The following PARD3 variants were observed in gnomAD, a reference collection of about 807,000 sequenced individuals.
The protein encoded by PARD3 is par-3 family cell polarity regulator, also known as partitioning defective 3 homolog.
A neutral mutation model predicts 155.4 loss-of-function variants in PARD3; 75 were observed. The observed-to-expected ratio is 0.48, with a 90% CI of 0.40 to 0.58. The LOEUF is 0.58. PARD3 is among the 20% of genes least tolerant of loss of function. The probability of loss-of-function intolerance (pLI) is 0.00; values close to 1 mark genes in which losing one functional copy is unlikely to be tolerated. For synonymous variants in PARD3, 576 were observed against 610.5 expected (o/e 0.94, Z 0.83); for missense variants, 1,642 against 1,721.7 (o/e 0.95, Z 0.82).
chr10:34,487,009 C>T (rs1487836366), intron 3 of PARD3, among the ~76,000 whole-genome samples: 5 of 152,168 alleles, frequency 3.3e-5, no homozygotes, highest in Middle Eastern at 3.4e-3. Context: ...ACTCATGATA[C>T]CTTTTGTAAA....
intron 22 of PARD3, among the ~76,000 whole-genome samples, chr10:34,238,944 T>G (rs921093981): frequency 1.8e-4 from 28 of 152,172 alleles, no homozygotes; most frequent in Admixed American, 5.2e-4. Context: ...CACTGACATA[T>G]TTTATTTTAA....
At chr10:34,349,806 T>A (rs943458278) in intron 14 of PARD3, among the ~76,000 whole-genome samples, 2 of 152,140 alleles carry the variant, frequency 1.3e-5, no homozygotes, top group South Asian at 2.1e-4. Flanking sequence ...TTGAACTGTA[T>A]AATGCTGCAA....
intron 4 of PARD3, among the ~76,000 whole-genome samples, chr10:34,454,316 A>G (rs571046613): frequency 1.3e-4 from 20 of 152,244 alleles, no homozygotes; most frequent in African/African-American, 4.8e-4. Context: ...ATCCATAAAC[A>G]TCGCAGCATA....
At chr10:34,781,124 C>T (rs573886982) in intron 1 of PARD3, among the ~76,000 whole-genome samples, 39 of 152,352 alleles carry the variant, frequency 2.6e-4, no homozygotes, top group African/African-American at 9.4e-4. Context: ...CCCCTCCCCC[C>T]TCTAGCCTGC....
intron 22 of PARD3, among the ~76,000 whole-genome samples, chr10:34,241,110 T>C (rs1161638045): frequency 6.6e-6 from 1 of 152,106 alleles, no homozygotes; most frequent in Non-Finnish European, 1.5e-5. Flanking sequence ...TATGGATCTA[T>C]GTATAAAAAG....
intron 2 of PARD3, among the ~76,000 whole-genome samples, chr10:34,691,953 C>T (rs10400190): frequency 0.39 from 59,666 of 152,178 alleles, 12,635 homozygotes; most frequent in African/African-American, 0.53. Flanking sequence ...ATTCAAAGGG[C>T]TGGGCATGGT....
At chr10:34,490,390 CAG>C (rs57588434) in intron 3 of PARD3, among the ~76,000 whole-genome samples, 79 of 148,904 alleles carry the variant, frequency 5.3e-4, no homozygotes, top group Admixed American at 9.4e-4. Flanking sequence ...GGGCACATTA[CAG>C]AGAGAGAGAG....
chr10:34,812,716 G>A (rs1844345851), intron 1 of PARD3, among the ~76,000 whole-genome samples: 1 of 152,092 alleles, frequency 6.6e-6, no homozygotes, highest in Non-Finnish European at 1.5e-5. Context: ...TGTACTTAAA[G>A]AGCATGTAAG....
At chr10:34,291,504 C>T (rs183990351) in intron 20 of PARD3, among the ~76,000 whole-genome samples, 12 of 152,268 alleles carry the variant, frequency 7.9e-5, no homozygotes, top group Admixed American at 3.3e-4. Context: ...TTATTATGTG[C>T]TTTTATCTCA....
rs187219135 is a variant in PARD3, at chr10:34,577,368, T to C, written c.223-60209A>G. 3.7e-4 allele frequency among the ~76,000 whole-genome samples: 56 copies of C among 152,262 alleles called. No individual in the cohort carries two copies. In the South Asian group the frequency reaches 5.6e-3, roughly 15 times the overall value. On this transcript the variant is annotated intron_variant, in intron 2 of 24. Transcript: ENST00000374788. ...ATATGTCCATTTATATGCTGTAGAA[T>C]TTGCTTAATCCTCTTAGGAACATTT... is the stretch of plus-strand genomic sequence containing the variant.
chr10:34,398,561 A>G (rs886157259), intron 7 of PARD3, among the ~76,000 whole-genome samples: 5 of 152,244 alleles, frequency 3.3e-5, no homozygotes, highest in African/African-American at 4.8e-5. Flanking sequence ...AAATTAAACA[A>G]GTTAAACATG....
At chr10:34,170,479 C>T (rs748103) in intron 22 of PARD3, among the ~76,000 whole-genome samples, 35,711 of 152,120 alleles carry the variant, frequency 0.23, 4,359 homozygotes, top group Middle Eastern at 0.36. Flanking sequence ...ATGCACAAGA[C>T]AGAGACTACC....
chr10:34,111,462 A>G lies in PARD3; in HGVS notation c.3769T>C (p.Ser1257Pro). 6.2e-7 allele frequency: 1 copy of G among 1,614,130 alleles called. No homozygotes were observed. Among genetic ancestry groups the G allele is most frequent in the Non-Finnish European group, 8.5e-7 (1 of 1,180,024 alleles). Reference protein sequence around the residue: ...FQSAKENPRYSSYQGSRNGYL... With the variant: ...FQSAKENPRYPSYQGSRNGYL... ...CCGTTCCTGGAGCCTTGGTAGCTGG[A>G]GTACCTGGGGTTCTCTTTGGCACTC... The change falls in exon 25 of 25, where the codon TCC becomes CCC. Residue 1257 changes from serine (S) to proline (P), a missense_variant. Physicochemically the swap from Ser to Pro is moderately conservative, Grantham distance 74 (BLOSUM62 -1). Around this residue, in one of 3 missense-constraint regions of PARD3, gnomAD observed 1,529 missense variants for 1,587.3 expected, o/e 0.96. Coordinates refer to ENST00000374788, the MANE Select transcript of PARD3 (RefSeq NM_001184785.2).
intron 12 of PARD3, 117 bp downstream of exon 12, chr10:34,372,381 A>C: frequency 1.2e-6 from 1 of 804,048 alleles, no homozygotes; most frequent in Admixed American, 1.9e-5. Context: ...AAACCCATGT[A>C]TTAAATATTA....
At chr10:34,608,204 C>G (rs1203062789) in intron 2 of PARD3, among the ~76,000 whole-genome samples, 1 of 152,186 alleles carries the variant, frequency 6.6e-6, no homozygotes, top group Non-Finnish European at 1.5e-5. Flanking sequence ...GAATTCCATG[C>G]TGGTAAAACA....
At position 34,727,814 on chromosome 10, in the gene PARD3, C is replaced by CACA. The variant is rs1564552664; in HGVS notation, c.121-31396_121-31395insTGT. On this transcript the variant is annotated intron_variant, in intron 1 of 24. Transcript: ENST00000374788. Reference sequence around the variant, plus strand: ...ACAAGTATGCAACCCCCTCCCTCCACCACACACACACACACACACGCACGC... The same window carrying CACA: ...ACAAGTATGCAACCCCCTCCCTCCACACACACACACACACACACACACGCACGC... Among the ~76,000 whole-genome samples the CACA allele has an allele frequency of 1.1e-4, 15 of 142,602 alleles. 1 individual carries two copies. Among genetic ancestry groups the CACA allele is most frequent in the African/African-American group, 3.9e-4 (15 of 38,348 alleles). 93.6% of individuals were successfully genotyped at this position (142,602 alleles called of 152,430 possible).
chr10:34,631,421 C>T (rs1395518571), intron 2 of PARD3, among the ~76,000 whole-genome samples: 1 of 152,060 alleles, frequency 6.6e-6, no homozygotes, highest in Non-Finnish European at 1.5e-5. Context: ...TAGGAGGGGG[C>T]AGTGATTAAG....
intron 4 of PARD3, among the ~76,000 whole-genome samples, chr10:34,464,003 A>G (rs928506999): frequency 2.0e-5 from 3 of 152,152 alleles, no homozygotes; most frequent in African/African-American, 7.2e-5. Flanking sequence ...AAATCGCCTA[A>G]CAATGCAATT....
rs16935276 is a variant in PARD3, at chr10:34,282,307, T to C, written c.3176+1828A>G. Among the ~76,000 whole-genome samples, 1,261 of 152,286 alleles carry C rather than the reference T, an allele frequency of 8.3e-3. 19 individuals carry two copies. Among genetic ancestry groups the C allele is most frequent in the African/African-American group, 0.028 (1,183 of 41,548 alleles). ...TTATTCCTTGACCCTGAAAGATTTT[T>C]ATTTTAGGCCTCCTGTACATTGTAA... On this transcript the variant is annotated intron_variant, in intron 21 of 24. Coordinates refer to ENST00000374788, the MANE Select transcript of PARD3 (RefSeq NM_001184785.2).
Sources: allele counts gnomAD v4.1 joint callset (sites outside exome capture counted in the v4.1 genomes callset), GRCh38; gene constraint gnomAD v4.1.1; regional missense constraint gnomAD v4.1.1; transcripts MANE v1.5; gene names NCBI Gene and HGNC (gene_info 2026-07-23, HGNC 2026-07-21).